Variants in SAMHD1 observed in about 807,000 individuals in gnomAD.
The protein encoded by SAMHD1 is deoxynucleoside triphosphate triphosphohydrolase SAMHD1.
A neutral mutation model predicts 79.6 loss-of-function variants in SAMHD1; 54 were observed. The ratio of observed to expected loss-of-function variants is 0.68; its 90% CI spans 0.55 to 0.85. The LOEUF is 0.85. SAMHD1 is among the 40% of genes least tolerant of loss of function. The pLI, the probability that SAMHD1 is intolerant of heterozygous loss-of-function variation, is 0.00. For synonymous variants in SAMHD1, 260 were observed against 264.1 expected, an observed-to-expected ratio of 0.98 and a Z score of 0.15; for missense variants, 663 against 782.7, an observed-to-expected ratio of 0.85 and a Z score of 1.82.
chr20:36,922,914 G>A (rs888740162), intron 6 of SAMHD1, among the ~76,000 whole-genome samples: 3 of 152,062 alleles, frequency 2.0e-5, no homozygotes, highest in African/African-American at 7.2e-5. Flanking sequence ...CTCCCAAAAT[G>A]TTGATATTAC....
intron 2 of SAMHD1, among the ~76,000 whole-genome samples, chr20:36,943,803 G>C (rs2063663685): frequency 6.6e-6 from 1 of 152,150 alleles, no homozygotes; most frequent in Non-Finnish European, 1.5e-5. Context: ...AGTCATGCCG[G>C]GGACAGTGGC....
chr20:36,930,282 G>A (rs1017660685), intron 5 of SAMHD1, among the ~76,000 whole-genome samples: 2 of 151,946 alleles, frequency 1.3e-5, no homozygotes, highest in African/African-American at 4.8e-5. Context: ...GATCACCTGA[G>A]GTCAGGAGTT....
intron 13 of SAMHD1, among the ~76,000 whole-genome samples, chr20:36,900,311 T>C (rs1241828766): frequency 2.0e-5 from 3 of 151,882 alleles, no homozygotes; most frequent in Non-Finnish European, 4.4e-5. Context: ...AGTGGCACAA[T>C]CTCGGCACAC....
intron 6 of SAMHD1, among the ~76,000 whole-genome samples, chr20:36,924,887 G>A (rs1293123853): frequency 6.6e-6 from 1 of 151,972 alleles, no homozygotes; most frequent in Admixed American, 6.6e-5. Flanking sequence ...GGCCGGGCAC[G>A]GTGGCTCACG....
At chr20:36,929,993 G>A (rs993886878) in intron 5 of SAMHD1, among the ~76,000 whole-genome samples, 2 of 151,306 alleles carry the variant, frequency 1.3e-5, no homozygotes, top group Admixed American at 6.6e-5. Flanking sequence ...AGGGAGGAGA[G>A]GCGGGAGGAT....
chr20:36,940,995 A>G (rs755664892), intron 3 of SAMHD1, 44 bp downstream of exon 3: 50 of 1,395,084 alleles, frequency 3.6e-5, no homozygotes, highest in Non-Finnish European at 5.0e-5. Flanking sequence ...ATTGAGTTAT[A>G]TCACTTTATA....
At chr20:36,901,710 TGG>T (rs1990309677) in intron 13 of SAMHD1, among the ~76,000 whole-genome samples, 1 of 152,206 alleles carries the variant, frequency 6.6e-6, no homozygotes, top group Non-Finnish European at 1.5e-5. Context: ...CACTCCAGCC[TGG>T]GCAACAGAGT....
intron 13 of SAMHD1, among the ~76,000 whole-genome samples, chr20:36,899,612 A>G (rs1377691700): frequency 6.6e-6 from 1 of 152,190 alleles, no homozygotes; most frequent in Non-Finnish European, 1.5e-5. Context: ...TTTTCCTGGG[A>G]AAGTGACTTT....
rs751790128 is a variant in SAMHD1, at chr20:36,946,769, C to T, written c.244G>A (p.Asp82Asn). 3 of 1,613,206 alleles carry T rather than the reference C, an allele frequency of 1.9e-6. No homozygotes were observed. The Admixed American group carries it at 5.0e-5, about 27-fold the overall frequency. Residue 82 changes from aspartate (D) to asparagine (N), a missense_variant, in exon 2 of 16, where the codon GAT becomes AAT. Physicochemically the swap from Asp to Asn is conservative, Grantham distance 23. Coordinates refer to ENST00000646673, the MANE Select transcript of SAMHD1 (RefSeq NM_015474.4). ...EITGALLPCLDESRFENLGVS... is the reference protein window; with the variant it reads ...EITGALLPCLNESRFENLGVS... ...CCAAGATTTTCAAAACGAGACTCAT[C>T]AAGACAAGGCAGTAATGCGCCTGTG...
intron 4 of SAMHD1, among the ~76,000 whole-genome samples, chr20:36,932,280 G>A (rs2063572104): frequency 1.3e-5 from 2 of 150,500 alleles, no homozygotes; most frequent in Non-Finnish European, 3.0e-5. Context: ...GAACCGAGGA[G>A]GCGGAGGTTG....
intron 11 of SAMHD1, among the ~76,000 whole-genome samples, chr20:36,907,971 G>C (rs1328012588): frequency 2.6e-5 from 4 of 151,932 alleles, no homozygotes; most frequent in Non-Finnish European, 5.9e-5. Context: ...CGCCTCCTGG[G>C]TTCAATTGAT....
In SAMHD1 at chr20:36,891,473, G is replaced by T. The variant is rs1990072418; in HGVS notation, c.*1459C>A. On this transcript the variant is annotated 3_prime_UTR_variant, in exon 16 of 16. Coordinates refer to ENST00000646673, the MANE Select transcript of SAMHD1 (RefSeq NM_015474.4). ...TCATGGCTCCCATCCCCACTGGCCT[G>T]TATCTTCAGCACCCTCTGGCCACCA... The T allele has an allele frequency of 6.6e-6, 1 of 152,574 alleles. No homozygotes were observed. Among genetic ancestry groups the T allele is most frequent in the African/African-American group, 2.4e-5 (1 of 41,448 alleles). The allele number at this position is 152,574 out of a possible 1,614,324, so 9.5% of individuals were successfully genotyped here. A position where few individuals can be genotyped will look rare whatever the true frequency, so the allele number is the denominator to read the frequency against.
Position 36,919,401 on chromosome 20 carries a change from A to G in SAMHD1, c.815T>C (p.Ile272Thr), listed in dbSNP as rs1219504717. ...EEDICFIKEQ[I>T]VGPLESPVED... is the part of the protein sequence containing the mutation. ...GACAGGTGATTCAAGTGGTCCTACA[A>G]TTTGTTCCTTTATAAAGCAAATATC... The change falls in exon 7 of 16, where the codon ATT becomes ACT. Residue 272 changes from isoleucine to threonine, a missense_variant. Transcript: ENST00000646673. 6.2e-7 allele frequency: 1 copy of G among 1,613,538 alleles called. No individual in the cohort carries two copies. Among genetic ancestry groups the G allele is most frequent in the Non-Finnish European group, 8.5e-7 (1 of 1,179,778 alleles).
chr20:36,924,925 G>C (rs377239205), intron 6 of SAMHD1, among the ~76,000 whole-genome samples: 6 of 152,116 alleles, frequency 3.9e-5, no homozygotes, highest in African/African-American at 1.4e-4. Flanking sequence ...TTGGGAGGCC[G>C]ATGTGGGTGG....
At chr20:36,929,593 C>T (rs1368486796) in intron 5 of SAMHD1, among the ~76,000 whole-genome samples, 1 of 151,808 alleles carries the variant, frequency 6.6e-6, no homozygotes, top group African/African-American at 2.4e-5. Context: ...AAAAATTAGC[C>T]AGGCGCTACT....
chr20:36,907,699 G>A (rs1232431485), intron 11 of SAMHD1, among the ~76,000 whole-genome samples: 6 of 149,606 alleles, frequency 4.0e-5, no homozygotes, highest in African/African-American at 9.9e-5. Flanking sequence ...GGCTGGTCTC[G>A]AACTCCTGAC....
rs77181487 is a variant in SAMHD1, at chr20:36,940,880, T to G, written c.348+159A>C. 370 of 653,210 alleles carry G rather than the reference T, an allele frequency of 5.7e-4. 3 individuals are homozygous for G. In the East Asian group the frequency reaches 9.6e-3, roughly 17 times the overall value. The allele number at this position is 653,210 out of a possible 1,614,324, so 40.5% of individuals were successfully genotyped here. A position where few individuals can be genotyped will look rare whatever the true frequency, so the allele number is the denominator to read the frequency against. ...TTCTTCTTCTGATTTAAATACTCTG[T>G]GCTCATTTTAGAAAGTGCAGAAAGT... On this transcript the variant is annotated intron_variant, in intron 3 of 15. Coordinates refer to ENST00000646673, the MANE Select transcript of SAMHD1 (RefSeq NM_015474.4).
At chr20:36,919,710 C>A (rs2063494660) in intron 6 of SAMHD1, among the ~76,000 whole-genome samples, 191 bp from the exon 7 acceptor site, 1 of 152,152 alleles carries the variant, frequency 6.6e-6, no homozygotes, top group Admixed American at 6.5e-5. Context: ...TAGTAGTCTA[C>A]AAACCTTTTA....
chr20:36,950,808 G>A (rs6130182), intron 1 of SAMHD1, among the ~76,000 whole-genome samples: 4 of 152,168 alleles, frequency 2.6e-5, no homozygotes, highest in Non-Finnish European at 4.4e-5. Context: ...TGCCAAGGAA[G>A]GTGATGGGAA....
Sources: gnomAD v4.1 joint callset for allele counts (sites outside exome capture counted in the v4.1 genomes callset) on GRCh38, gnomAD v4.1.1 for gene constraint, MANE v1.5 for transcripts, NCBI Gene and HGNC (gene_info 2026-07-23, HGNC 2026-07-21) for gene names.